ITPR2: variants seen among roughly 807,000 people sequenced by gnomAD.
The protein encoded by ITPR2 is inositol 1,4,5-trisphosphate receptor type 2, also known as inositol 1,4,5-trisphosphate-gated calcium channel ITPR2.
ITPR2 carries 207 observed loss-of-function variants against 317.1 expected under a neutral mutation model. The ratio of observed to expected loss-of-function variants is 0.65; its 90% confidence interval spans 0.58 to 0.73. ITPR2 has a LOEUF of 0.73. ITPR2 is among the 30% of genes least tolerant of loss of function. ITPR2 has a pLI of 0.00. For missense variants in ITPR2, 2,613 were observed against 3,284.0 expected (o/e 0.80, Z 4.99); for synonymous variants, 1,156 against 1,149.1 (o/e 1.01, Z -0.12).
intron 2 of ITPR2, among the ~76,000 whole-genome samples, chr12:26,741,870 C>T (rs749609086): frequency 1.4e-4 from 22 of 152,214 alleles, no homozygotes; most frequent in Non-Finnish European, 2.6e-4. Flanking sequence ...CAGTTGCAAG[C>T]AGGCATGAGC....
At chr12:26,575,921 A>G (rs1177207622) in intron 34 of ITPR2, among the ~76,000 whole-genome samples, 1 of 152,186 alleles carries the variant, frequency 6.6e-6, no homozygotes, top group African/African-American at 2.4e-5. Flanking sequence ...CATGCCCGCT[A>G]CGCCCTGTGT....
At chr12:26,343,370 G>A (rs1375533634) in intron 55 of ITPR2, among the ~76,000 whole-genome samples, 4 of 152,184 alleles carry the variant, frequency 2.6e-5, no homozygotes, top group African/African-American at 9.7e-5. Context: ...AGTGCCTTAA[G>A]TCTGGTAAAA....
chr12:26,459,043 T>A (rs1357871544), intron 45 of ITPR2, among the ~76,000 whole-genome samples: 1 of 152,236 alleles, frequency 6.6e-6, no homozygotes, highest in Non-Finnish European at 1.5e-5. Context: ...TTTTGCAAAC[T>A]GGACCCTGTG....
intron 35 of ITPR2, among the ~76,000 whole-genome samples, chr12:26,556,931 C>T (rs1944679772): frequency 6.6e-6 from 1 of 151,892 alleles, no homozygotes; most frequent in Non-Finnish European, 1.5e-5. Context: ...ATACAAAAAT[C>T]AGCCAGGCAT....
chr12:26,502,706 G>T (rs1275420393), intron 37 of ITPR2, among the ~76,000 whole-genome samples: 1 of 152,198 alleles, frequency 6.6e-6, no homozygotes, highest in African/African-American at 2.4e-5. Flanking sequence ...TCAGCTTACA[G>T]TGCATCCCAG....
intron 2 of ITPR2, among the ~76,000 whole-genome samples, chr12:26,738,698 T>C (rs912258490): frequency 1.3e-5 from 2 of 152,122 alleles, no homozygotes; most frequent in African/African-American, 4.8e-5. Flanking sequence ...CTAATTATTT[T>C]CTTCCTTTTA....
chr12:26,394,005 C>CAA (rs34839437), intron 54 of ITPR2, among the ~76,000 whole-genome samples: 17 of 148,812 alleles, frequency 1.1e-4, no homozygotes, highest in South Asian at 1.1e-3. Context: ...ATTATGAAAG[C>CAA]AAAAAAAAAT....
intron 37 of ITPR2, among the ~76,000 whole-genome samples, chr12:26,501,699 C>G (rs1246734044): frequency 6.6e-6 from 1 of 152,220 alleles, no homozygotes; most frequent in Non-Finnish European, 1.5e-5. Context: ...TCCAAATATT[C>G]ATTCACCATA....
At chr12:26,520,043 T>C (rs867689657) in intron 37 of ITPR2, among the ~76,000 whole-genome samples, 1 of 152,146 alleles carries the variant, frequency 6.6e-6, no homozygotes, top group Non-Finnish European at 1.5e-5. Context: ...GCAAGGGCAA[T>C]GAAGGTGGGA....
intron 45 of ITPR2, 142 bp downstream of exon 45, chr12:26,475,154 G>T (rs1378309511): frequency 5.8e-6 from 5 of 856,616 alleles, no homozygotes; most frequent in Non-Finnish European, 9.0e-6. Flanking sequence ...ATTCTGGGAG[G>T]CTGTTCCTCT....
At chr12:26,656,174 G>T in intron 19 of ITPR2, 123 bp downstream of exon 19, 2 of 1,274,962 alleles carry the variant, frequency 1.6e-6, no homozygotes, top group Non-Finnish European at 2.2e-6. Context: ...GCATTTAGAA[G>T]ATTAACAACC....
intron 46 of ITPR2, among the ~76,000 whole-genome samples, chr12:26,440,319 C>A (rs946097353): frequency 4.6e-5 from 7 of 152,088 alleles, no homozygotes; most frequent in African/African-American, 1.7e-4. Flanking sequence ...TTGCTTAGAA[C>A]AAAAGGGTCT....
At chr12:26,744,747 A>T (rs1949290600) in intron 2 of ITPR2, among the ~76,000 whole-genome samples, 1 of 152,248 alleles carries the variant, frequency 6.6e-6, no homozygotes, top group Non-Finnish European at 1.5e-5. Context: ...ACACAGTCAT[A>T]GCAGCCTGTA....
intron 37 of ITPR2, among the ~76,000 whole-genome samples, chr12:26,511,754 T>A (rs986035273): frequency 1.3e-5 from 2 of 152,226 alleles, no homozygotes; most frequent in African/African-American, 4.8e-5. Flanking sequence ...TGTAAACATG[T>A]GTGGGACCAC....
chr12:26,789,912 A>G lies in ITPR2; in HGVS notation c.163+245T>C, dbSNP rs574759348. Among the ~76,000 whole-genome samples the G allele has an allele frequency of 5.8e-4, 88 of 152,366 alleles. 1 individual carries two copies. The highest frequency in any genetic ancestry group is 3.4e-3 in the Middle Eastern group (1 of 294). ...GACAAGTAGCCTTTCACAGTTAATTACCAAGATTTCCTTTTAACAGATAGA... is the reference window on the plus strand; with the variant it reads ...GACAAGTAGCCTTTCACAGTTAATTGCCAAGATTTCCTTTTAACAGATAGA... On this transcript the variant is annotated intron_variant, in intron 2 of 56. Coordinates refer to ENST00000381340, the MANE Select transcript of ITPR2 (RefSeq NM_002223.4).
chr12:26,775,485 G>A (rs907928706), intron 2 of ITPR2, among the ~76,000 whole-genome samples: 18 of 152,150 alleles, frequency 1.2e-4, no homozygotes, highest in Admixed American at 3.9e-4. Context: ...AAAGCATCAG[G>A]AGTTTCCATT....
At chr12:26,460,904 A>T (rs2136782727) in intron 45 of ITPR2, among the ~76,000 whole-genome samples, 1 of 152,190 alleles carries the variant, frequency 6.6e-6, no homozygotes, top group East Asian at 1.9e-4. Context: ...CATTTCAATG[A>T]CTTCTGCCTC....
Position 26,415,293 on chromosome 12 carries a change from A to G in ITPR2, c.7306+10T>C. 1.9e-6 allele frequency: 3 copies of G among 1,576,180 alleles called. No homozygotes were observed. The highest frequency in any genetic ancestry group is 2.6e-6 in the Non-Finnish European group (3 of 1,161,116). On this transcript the variant is annotated intron_variant, in intron 51 of 56. Coordinates refer to ENST00000381340, the MANE Select transcript of ITPR2 (RefSeq NM_002223.4). ...ATCAGAGAAACCTCATTTAGTGGTA[A>G]TAGCAATACCTGTAACAGGAGTTCG...
At chr12:26,716,016 C>T in intron 6 of ITPR2, 128 bp downstream of exon 6, 2 of 728,184 alleles carry the variant, frequency 2.7e-6, no homozygotes, top group Non-Finnish European at 4.6e-6. Flanking sequence ...CTATATGTAC[C>T]TTAGGGATAT....
Sources: allele counts gnomAD v4.1 joint callset (sites outside exome capture counted in the v4.1 genomes callset), GRCh38; gene constraint gnomAD v4.1.1; transcripts MANE v1.5; gene names NCBI Gene and HGNC (gene_info 2026-07-23, HGNC 2026-07-21).